Variants in ANKIB1 observed in about 807,000 individuals in gnomAD.
The protein encoded by ANKIB1 is ankyrin repeat and IBR domain-containing protein 1.
In ANKIB1, 43 loss-of-function variants were observed where a neutral mutation model predicts 122.1. That is an observed-to-expected ratio of 0.35 (90% CI 0.28 to 0.45). The LOEUF (loss-of-function observed/expected upper bound fraction) is 0.45. Among genes scored for constraint, ANKIB1 ranks in the 20% least tolerant of loss-of-function variants. The pLI is 1.00. For missense variants in ANKIB1, 992 were observed against 1,329.5 expected (o/e 0.75, Z 3.95); for synonymous variants, 390 against 442.0 (o/e 0.88, Z 1.48).
intron 11 of ANKIB1, among the ~76,000 whole-genome samples, chr7:92,379,227 A>G (rs1804455745): frequency 6.6e-6 from 1 of 152,166 alleles, no homozygotes; most frequent in South Asian, 2.1e-4. Context: ...CATCTCTACT[A>G]AAAATACAAA....
At position 92,307,416 on chromosome 7, in the gene ANKIB1, T is replaced by C. The variant is rs1802583796; in HGVS notation, c.246T>C (p.Ser82=). The change falls in exon 3 of 20, where the codon TCT becomes TCC. Residue 82 remains serine, a synonymous_variant. Coordinates refer to ENST00000265742, the MANE Select transcript of ANKIB1 (RefSeq NM_019004.2). The part of the protein sequence containing the change: ...PNKRNVHNET[S]MHLLCMGPQI... ...AACGGAATGTGCACAATGAAACATC[T>C]ATGCATTTGTTGTGTATGGGACCTC... The C allele has an allele frequency of 6.2e-7, 1 of 1,614,024 alleles. No homozygotes were observed. The highest frequency in any genetic ancestry group is 1.7e-5 in the Admixed American group (1 of 60,020).
intron 7 of ANKIB1, among the ~76,000 whole-genome samples, chr7:92,349,104 G>T (rs975638991): frequency 6.6e-6 from 1 of 152,218 alleles, no homozygotes; most frequent in Non-Finnish European, 1.5e-5. Context: ...AAAAACTTGA[G>T]CATGTTTATT....
At chr7:92,257,518 C>T (rs189406214) in intron 1 of ANKIB1, among the ~76,000 whole-genome samples, 4 of 152,304 alleles carry the variant, frequency 2.6e-5, no homozygotes, top group African/African-American at 7.2e-5. Flanking sequence ...TGTAGCCAGA[C>T]GCGGTGGCTC....
At chr7:92,346,833 T>C (rs1803551429) in intron 7 of ANKIB1, among the ~76,000 whole-genome samples, 2 of 152,204 alleles carry the variant, frequency 1.3e-5, no homozygotes, top group Non-Finnish European at 2.9e-5. Context: ...TCACAGGAAC[T>C]ATCTCCCAAA....
In ANKIB1 at chr7:92,398,860, G is replaced by A. The variant is rs766365430; in HGVS notation, c.3181G>A (p.Glu1061Lys). 16 of 1,605,360 alleles carry A rather than the reference G, an allele frequency of 1.0e-5. No individual in the cohort carries two copies. The highest frequency in any genetic ancestry group is 8.0e-5 in the African/African-American group (6 of 74,762). ...AASQAGDSGN[E>K]AANRGDGSDV... Reference sequence around the variant, plus strand: ...ATCTCAAGCTGGTGACAGTGGTAACGAGGCAGCCAACAGAGGAGATGGTTC... The same window carrying A: ...ATCTCAAGCTGGTGACAGTGGTAACAAGGCAGCCAACAGAGGAGATGGTTC... The change falls in exon 20 of 20, where the codon GAG (glutamate) becomes AAG (lysine). Residue 1061 changes from glutamate (E) to lysine (K), a missense_variant. Physicochemically the swap from Glu to Lys is moderately conservative, Grantham distance 56. Coordinates refer to ENST00000265742, the MANE Select transcript of ANKIB1 (RefSeq NM_019004.2).
At chr7:92,259,808 C>T (rs1350292781) in intron 1 of ANKIB1, among the ~76,000 whole-genome samples, 1 of 152,178 alleles carries the variant, frequency 6.6e-6, no homozygotes, top group Non-Finnish European at 1.5e-5. Flanking sequence ...CTTCCAGGTG[C>T]TCATGCCAGG....
intron 5 of ANKIB1, among the ~76,000 whole-genome samples, chr7:92,340,238 C>A (rs1368781381): frequency 1.3e-5 from 2 of 152,200 alleles, no homozygotes; most frequent in African/African-American, 4.8e-5. Flanking sequence ...ACCTGTTCAG[C>A]TCTTCCTCAG....
chr7:92,289,155 C>T (rs1562771978), intron 1 of ANKIB1, among the ~76,000 whole-genome samples: 1 of 152,094 alleles, frequency 6.6e-6, no homozygotes, highest in Non-Finnish European at 1.5e-5. Flanking sequence ...AGTGGTATAC[C>T]CATACAGTGG....
intron 7 of ANKIB1, among the ~76,000 whole-genome samples, chr7:92,349,153 A>G (rs1310101360): frequency 6.6e-6 from 1 of 152,180 alleles, no homozygotes; most frequent in Non-Finnish European, 1.5e-5. Flanking sequence ...AAAAGAGAGA[A>G]AGGATAGGTT....
At chr7:92,396,094 A>T (rs761506945) in intron 17 of ANKIB1, 2 of 409,514 alleles carry the variant, frequency 4.9e-6, no homozygotes, top group Non-Finnish European at 8.7e-6. Flanking sequence ...ATCATCAGGC[A>T]TATAAAATAG....
At chr7:92,260,100 G>A (rs771842037) in intron 1 of ANKIB1, among the ~76,000 whole-genome samples, 1 of 152,030 alleles carries the variant, frequency 6.6e-6, no homozygotes, top group Non-Finnish European at 1.5e-5. Flanking sequence ...TCACTTCTCT[G>A]CTAAAAACCT....
At chr7:92,309,942 A>AAAAAAAAAAAAAAAAATAT (rs1335765681) in intron 3 of ANKIB1, among the ~76,000 whole-genome samples, 1 of 91,818 alleles carries the variant, frequency 1.1e-5, no homozygotes, top group Non-Finnish European at 2.0e-5. Flanking sequence ...AAAAAAAAAA[A>AAAAAAAAAAAAAAAAATAT]ATATATATAT....
chr7:92,358,952 A>G (rs1162333894), intron 9 of ANKIB1, among the ~76,000 whole-genome samples: 2 of 152,138 alleles, frequency 1.3e-5, no homozygotes, highest in African/African-American at 2.4e-5. Context: ...TCTATGGCAT[A>G]TTTCTTACTC....
chr7:92,276,355 GTATATATAC>G (rs1801904261), intron 1 of ANKIB1, among the ~76,000 whole-genome samples: 1 of 152,214 alleles, frequency 6.6e-6, no homozygotes, highest in African/African-American at 2.4e-5. Context: ...CACAGACACT[GTATATATAC>G]TGACCCCATC....
rs1242541439 is a variant in ANKIB1 at position 92,400,715 on chromosome 7, A to G, written c.*1766A>G. 6.6e-6 allele frequency: 1 copy of G among 152,160 alleles called. No homozygotes were observed. Among genetic ancestry groups the G allele is most frequent in the Non-Finnish European group, 1.5e-5 (1 of 68,034 alleles). 9.4% of individuals were successfully genotyped at this position (152,160 alleles called of 1,614,324 possible). On this transcript the variant is annotated 3_prime_UTR_variant, in exon 20 of 20. Transcript: ENST00000265742. ...TAAACTGTGGGAATCCTCCTATGCCATGGATATCAAAGGTCCACATTAGTT... is the reference window on the plus strand; with the variant it reads ...TAAACTGTGGGAATCCTCCTATGCCGTGGATATCAAAGGTCCACATTAGTT...
intron 1 of ANKIB1, among the ~76,000 whole-genome samples, chr7:92,284,681 CT>C (rs2131906253): frequency 6.7e-6 from 1 of 149,774 alleles, no homozygotes; most frequent in Admixed American, 6.6e-5. Flanking sequence ...TCATTTGTTC[CT>C]TCTTTCTTTC....
chr7:92,267,617 T>A (rs1367794103), intron 1 of ANKIB1, among the ~76,000 whole-genome samples: 2 of 152,238 alleles, frequency 1.3e-5, no homozygotes, highest in Non-Finnish European at 2.9e-5. Flanking sequence ...TGTTTTCTTC[T>A]GAAAGCATTA....
At chr7:92,247,144 C>T (rs927910736) in intron 1 of ANKIB1, among the ~76,000 whole-genome samples, 6 of 152,198 alleles carry the variant, frequency 3.9e-5, no homozygotes, top group East Asian at 1.9e-4. Context: ...GTCTCCCAAG[C>T]TCTATTCACA....
intron 1 of ANKIB1, among the ~76,000 whole-genome samples, chr7:92,287,997 C>A (rs1433697360): frequency 7.0e-6 from 1 of 142,388 alleles, no homozygotes; most frequent in Admixed American, 7.3e-5. Context: ...GATTGCACCA[C>A]TGCACTCCAG....
Sources: allele counts gnomAD v4.1 joint callset (sites outside exome capture counted in the v4.1 genomes callset), GRCh38; gene constraint gnomAD v4.1.1; transcripts MANE v1.5; gene names NCBI Gene and HGNC (gene_info 2026-07-23, HGNC 2026-07-21).